Variants in DENND2A observed in about 807,000 individuals in gnomAD.
DENND2A encodes the protein DENN domain-containing protein 2A.
A neutral mutation model predicts 105.3 loss-of-function variants in DENND2A; 53 were observed. That is an observed-to-expected ratio of 0.50 (90% CI 0.40 to 0.63). The LOEUF is 0.63. DENND2A is among the 30% of genes least tolerant of loss of function. The pLI is 0.00. For missense variants in DENND2A, 1,138 were observed against 1,279.6 expected (o/e 0.89, Z 1.69); for synonymous variants, 522 against 508.4 (o/e 1.03, Z -0.36).
At chr7:140,635,809 G>A (rs969254396) in intron 1 of DENND2A, among the ~76,000 whole-genome samples, 2 of 152,266 alleles carry the variant, frequency 1.3e-5, no homozygotes, top group East Asian at 1.9e-4. Flanking sequence ...GCAATTCTAG[G>A]CCCAGCTGGC....
At chr7:140,558,265 C>T (rs1797463175) in intron 10 of DENND2A, 53 bp from the exon 11 acceptor site, 8 of 1,441,376 alleles carry the variant, frequency 5.6e-6, no homozygotes, top group Middle Eastern at 1.7e-4. Context: ...ACCAAAGACA[C>T]CTCATCACTC....
chr7:140,547,024 T>TG (rs1354551562), intron 12 of DENND2A, 85 bp from the exon 13 acceptor site: 1 of 1,515,572 alleles, frequency 6.6e-7, no homozygotes, highest in Non-Finnish European at 8.9e-7. Flanking sequence ...GGGCCTGCCA[T>TG]GGTGACTCAA....
At chr7:140,581,643 G>A (rs1461495891) in intron 5 of DENND2A, among the ~76,000 whole-genome samples, 9 of 152,146 alleles carry the variant, frequency 5.9e-5, no homozygotes. Flanking sequence ...CCTAGAACAG[G>A]GCACACAGCA....
intron 14 of DENND2A, among the ~76,000 whole-genome samples, chr7:140,533,727 A>G (rs955174583): frequency 1.3e-5 from 2 of 152,092 alleles, no homozygotes; most frequent in African/African-American, 4.8e-5. Flanking sequence ...CCGTTTGTTG[A>G]CTATCTCCTG....
chr7:140,556,771 C>T (rs957066860), intron 11 of DENND2A, among the ~76,000 whole-genome samples: 2 of 152,182 alleles, frequency 1.3e-5, no homozygotes, highest in Non-Finnish European at 2.9e-5. Flanking sequence ...CTATGTGCCA[C>T]GCATTATACT....
At chr7:140,581,817 A>G (rs1323747148) in intron 5 of DENND2A, among the ~76,000 whole-genome samples, 5 of 152,196 alleles carry the variant, frequency 3.3e-5, no homozygotes, top group African/African-American at 4.8e-5. Context: ...TCTTGTTGAC[A>G]TTCTCACCTA....
At chr7:140,524,887 T>G (rs921586511) in intron 16 of DENND2A, among the ~76,000 whole-genome samples, 6 of 129,970 alleles carry the variant, frequency 4.6e-5, no homozygotes, top group African/African-American at 1.6e-4. Context: ...CAAATATTCT[T>G]TTTTTTTTTT....
chr7:140,539,996 C>T (rs1796601537), intron 14 of DENND2A, among the ~76,000 whole-genome samples: 1 of 152,190 alleles, frequency 6.6e-6, no homozygotes, highest in African/African-American at 2.4e-5. Flanking sequence ...CATGCGGGGC[C>T]GCGTCTTATG....
rs143971287 is a variant in DENND2A at position 140,527,004 on chromosome 7, G to A, written c.2505+314C>T. Among the ~76,000 whole-genome samples the A allele has an allele frequency of 7.8e-4, 118 of 152,242 alleles. 1 individual carries two copies. The highest frequency in any genetic ancestry group is 2.7e-3 in the African/African-American group (114 of 41,552). On this transcript the variant is annotated intron_variant, in intron 15 of 19. Transcript: ENST00000496613. The surrounding 1 kb of genome is among the most constrained non-coding windows in gnomAD (Gnocchi z 4.9). ...CCTCAATGTGGGGGAGTGGGCGAGA[G>A]GGCAGGGGAGAGGAGAGGGCTATTA...
chr7:140,523,620 T>G lies in DENND2A; in HGVS notation c.2548-196A>C, dbSNP rs572050247. 2.0e-5 allele frequency among the ~76,000 whole-genome samples: 3 copies of G among 152,220 alleles called. No individual in the cohort carries two copies. In the South Asian group the frequency reaches 6.2e-4, roughly 32 times the overall value. On this transcript the variant is annotated intron_variant, in intron 16 of 19. Transcript: ENST00000496613. The surrounding 1 kb of genome is among the most constrained non-coding windows in gnomAD (Gnocchi z 4.5). ...GAGACAGAGTTTCACTCTTGTCGCATAGTCTGGAGTGCAATGCCATGATCT... is the reference window on the plus strand; with the variant it reads ...GAGACAGAGTTTCACTCTTGTCGCAGAGTCTGGAGTGCAATGCCATGATCT...
At position 140,602,452 on chromosome 7, in the gene DENND2A, T is replaced by G; in HGVS notation, c.-55A>C. 1 of 1,495,248 alleles carries G rather than the reference T, an allele frequency of 6.7e-7. No homozygotes were observed. The highest frequency in any genetic ancestry group is 8.9e-7 in the Non-Finnish European group (1 of 1,126,964). The allele number at this position is 1,495,248 out of a possible 1,614,324, so 92.6% of individuals were successfully genotyped here. A position where few individuals can be genotyped will look rare whatever the true frequency, so the allele number is the denominator to read the frequency against. ...CTTCCAGGGGACTCCTTCTGAAGCC[T>G]GACTCCTGATCAGTCTCTAGGAATG... On this transcript the variant is annotated 5_prime_UTR_variant, in exon 3 of 20. Coordinates refer to ENST00000496613, the MANE Select transcript of DENND2A (RefSeq NM_015689.5).
intron 15 of DENND2A, 151 bp from the exon 16 acceptor site, chr7:140,525,943 G>T: frequency 1.8e-6 from 1 of 563,852 alleles, no homozygotes. Context: ...TGCCACGGTA[G>T]CCACAGGTAA....
chr7:140,567,304 A>AAGAGAGAGAGAGAG (rs60964847), intron 8 of DENND2A, 31 bp from the exon 9 acceptor site: 129 of 659,868 alleles, frequency 2.0e-4, no homozygotes, highest in African/African-American at 1.7e-3. Context: ...GAAAGAGAGA[A>AAGAGAGAGAGAGAG]AGAGAGAGAG....
intron 3 of DENND2A, among the ~76,000 whole-genome samples, chr7:140,600,516 T>C (rs1398367658): frequency 2.6e-5 from 4 of 151,922 alleles, no homozygotes; most frequent in Non-Finnish European, 5.9e-5. Context: ...AGAAGCCAAA[T>C]GAAGGAAGTG....
At position 140,568,866 on chromosome 7, in the gene DENND2A, G is replaced by A. The variant is rs1797976973; in HGVS notation, c.1541-53C>T. 5 of 1,563,080 alleles carry A rather than the reference G, an allele frequency of 3.2e-6. No individual in the cohort carries two copies. In the Admixed American group the frequency reaches 8.3e-5, roughly 26 times the overall value. ...TGCAAATGTGAGTTCTTCTCATGTAGGAAACTCTTTCTATGTGGTAGCACA... is the reference window on the plus strand; with the variant it reads ...TGCAAATGTGAGTTCTTCTCATGTAAGAAACTCTTTCTATGTGGTAGCACA... On this transcript the variant is annotated intron_variant, in intron 7 of 19. Coordinates refer to ENST00000496613, the MANE Select transcript of DENND2A (RefSeq NM_015689.5).
chr7:140,542,557 T>TTC (rs1563127624), intron 14 of DENND2A, among the ~76,000 whole-genome samples: 4 of 149,638 alleles, frequency 2.7e-5, no homozygotes, highest in South Asian at 2.1e-4. Flanking sequence ...GCAGTTCTTT[T>TTC]TCTCTCTCTT....
chr7:140,542,566 T>TA (rs1491158596), intron 14 of DENND2A, among the ~76,000 whole-genome samples: 2 of 52,816 alleles, frequency 3.8e-5, no homozygotes, highest in Admixed American at 1.6e-4. Context: ...TTTCTCTCTC[T>TA]TTTTTTTTTT....
chr7:140,544,961 G>C, intron 13 of DENND2A, 195 bp from the exon 14 acceptor site: 1 of 762,742 alleles, frequency 1.3e-6, no homozygotes. Context: ...GGAGGAGGTA[G>C]CTTTGGTAGG....
chr7:140,553,911 T>TA (rs1797250150), intron 12 of DENND2A, among the ~76,000 whole-genome samples: 2 of 152,310 alleles, frequency 1.3e-5, no homozygotes, highest in African/African-American at 4.8e-5. Context: ...ACAGACACAG[T>TA]AACAGTCTGA....
Sources: gnomAD v4.1 joint callset for allele counts (sites outside exome capture counted in the v4.1 genomes callset) on GRCh38, gnomAD v4.1.1 for gene constraint, Gnocchi (gnomAD v3.1) non-coding constraint, MANE v1.5 for transcripts, NCBI Gene and HGNC (gene_info 2026-07-23, HGNC 2026-07-21) for gene names.